The following VPS16 variants were observed in gnomAD, a reference collection of about 807,000 sequenced individuals.
VPS16 encodes VPS16 core subunit of CORVET and HOPS complexes.
In VPS16, 82 loss-of-function variants were observed where a neutral mutation model predicts 116.0. The observed-to-expected ratio is 0.71, with a 90% CI of 0.59 to 0.85. The LOEUF (loss-of-function observed/expected upper bound fraction) is 0.85, where lower values mean the gene tolerates loss of function less well. Among genes scored for constraint, VPS16 ranks in the 40% least tolerant of loss-of-function variants. The pLI is 0.00. For synonymous variants in VPS16, 406 were observed against 420.7 expected (o/e 0.96, Z 0.43); for missense variants, 928 against 1,090.6 (o/e 0.85, Z 2.10).
chr20:2,861,800 C>A lies in VPS16; in HGVS notation c.900-5C>A. The stretch of plus-strand genomic sequence containing the variant: ...GGTGCTCTTAGGAGCCTTAACCAAG[C>A]TCAGGTTTGTGCTGGATGAGGACTC... On this transcript the variant is annotated splice_polypyrimidine_tract_variant and splice_region_variant and intron_variant, in intron 9 of 23. Transcript: ENST00000380445. The A allele has an allele frequency of 6.2e-7, 1 of 1,613,806 alleles. No homozygotes were observed. Among genetic ancestry groups the A allele is most frequent in the Non-Finnish European group, 8.5e-7 (1 of 1,179,916 alleles).
At chr20:2,852,713 A>G (rs2089134045) in intron 1 of VPS16, among the ~76,000 whole-genome samples, 1 of 152,234 alleles carries the variant, frequency 6.6e-6, no homozygotes, top group South Asian at 2.1e-4. Flanking sequence ...AAACAAAAGT[A>G]CGTAACTTAA....
At chr20:2,840,908 C>T in intron 1 of VPS16, 81 bp downstream of exon 1, 2 of 1,363,862 alleles carry the variant, frequency 1.5e-6, no homozygotes, top group Non-Finnish European at 2.0e-6. Flanking sequence ...GCGTTCGCCC[C>T]TGTCACTACT....
intron 1 of VPS16, among the ~76,000 whole-genome samples, chr20:2,842,342 G>T (rs1234048155): frequency 6.6e-6 from 1 of 151,846 alleles, no homozygotes; most frequent in African/African-American, 2.4e-5. Context: ...TAGGCCAGGC[G>T]CAGTGGCTCA....
At position 2,860,251 on chromosome 20, in the gene VPS16, C is replaced by T. The variant is rs1490050836; in HGVS notation, c.253C>T (p.Pro85Ser). 1 of 1,613,918 alleles carries T rather than the reference C, an allele frequency of 6.2e-7. No homozygotes were observed. The highest frequency in any genetic ancestry group is 2.2e-5 in the East Asian group (1 of 44,882). ...PLASLLWKSG[P>S]VVSLGWSAEE... ...CTCTCCCCTGCAGTGGAAGAGTGGA[C>T]CCGTGGTGTCCCTGGGCTGGTCAGC... The change falls in exon 4 of 24, where the codon CCC becomes TCC. Residue 85 changes from proline to serine, a missense_variant. Physicochemically the swap from Pro to Ser is moderately conservative, Grantham distance 74. Coordinates refer to ENST00000380445, the MANE Select transcript of VPS16 (RefSeq NM_022575.4). The surrounding 1 kb of genome is among the most constrained non-coding windows in gnomAD (Gnocchi z 6.1).
At chr20:2,861,974 C>T in intron 10 of VPS16, 75 bp downstream of exon 10, 1 of 1,605,490 alleles carries the variant, frequency 6.2e-7, no homozygotes. Flanking sequence ...GGGCCAGTGC[C>T]ACAGAGCAGG....
chr20:2,852,616 A>G lies in VPS16; in HGVS notation c.54-7103A>G, dbSNP rs139830620. ...TAATGAATATTGCAAAACACGTCAC[A>G]TGAATTTTTTTGGTTTCCCAGTCCA... On this transcript the variant is annotated intron_variant, in intron 1 of 23. Transcript: ENST00000380445. 3.4e-4 allele frequency among the ~76,000 whole-genome samples: 52 copies of G among 152,330 alleles called. 1 individual carries two copies. The East Asian group carries it at 8.7e-3, about 25-fold the overall frequency.
rs1206709703 is a variant in VPS16 at position 2,853,674 on chromosome 20, TA to T, written c.54-6044del. On this transcript the variant is annotated intron_variant, in intron 1 of 23. Transcript: ENST00000380445. ...ATGAATCATAAGAGTATTTTATTTTTATTTTTTTTATTTTTTGGGACGAAGT... is the reference window on the plus strand; with the variant it reads ...ATGAATCATAAGAGTATTTTATTTTTTTTTTTTTATTTTTTGGGACGAAGT... Among the ~76,000 whole-genome samples, 11 of 152,124 alleles carry T rather than the reference TA, an allele frequency of 7.2e-5. No homozygotes were observed. In the South Asian group the frequency reaches 1.9e-3, roughly 26 times the overall value.
rs1296167443 is a variant in VPS16, at chr20:2,866,569, AAGTG to A, written c.2518_*1del. The A allele has an allele frequency of 1.2e-6, 2 of 1,614,084 alleles. No individual in the cohort carries two copies. Among genetic ancestry groups the A allele is most frequent in the Non-Finnish European group, 1.7e-6 (2 of 1,180,000 alleles). ...ACGGGCCAGGGCACAAGCCCAGAAG[AAGTG>A]AGGAGTCCATCCTGTACATCTCAAG... On this transcript the variant is annotated frameshift_variant and stop_lost, in exon 24 of 24. Transcript: ENST00000380445. LOFTEE classifies it high-confidence loss of function.
At chr20:2,858,181 A>T (rs1278022492) in intron 1 of VPS16, among the ~76,000 whole-genome samples, 1 of 149,530 alleles carries the variant, frequency 6.7e-6, no homozygotes, top group Non-Finnish European at 1.5e-5. Context: ...TGCAGCCTCA[A>T]CCTCCCAGGT....
At chr20:2,842,864 C>CGATAGATAGATAGATGTATCTATCGATA (rs1568621080) in intron 1 of VPS16, among the ~76,000 whole-genome samples, 3 of 36,730 alleles carry the variant, frequency 8.2e-5, no homozygotes, top group Non-Finnish European at 1.8e-4. Context: ...ATGTATCTAT[C>CGATAGATAGATAGATGTATCTATCGATA]GATAGATAGA....
In VPS16 at chr20:2,863,534, G is replaced by A. The variant is rs999309568; in HGVS notation, c.1476+136G>A. 3.5e-5 allele frequency: 30 copies of A among 845,816 alleles called. No individual in the cohort carries two copies. Among genetic ancestry groups the A allele is most frequent in the African/African-American group, 2.2e-4 (13 of 59,090 alleles). The allele number at this position is 845,816 out of a possible 1,614,324, so 52.4% of individuals were successfully genotyped here. A position where few individuals can be genotyped will look rare whatever the true frequency, so the allele number is the denominator to read the frequency against. On this transcript the variant is annotated intron_variant, in intron 15 of 23. Coordinates refer to ENST00000380445, the MANE Select transcript of VPS16 (RefSeq NM_022575.4). This position sits in a 1 kb window ranked among gnomAD's most constrained non-coding sequence, Gnocchi z 4.4. ...TCCCAACACTTTGGGAGGCTGAGGCGGGCGAATCACCTGAGGTCAGGTATT... is the reference window on the plus strand; with the variant it reads ...TCCCAACACTTTGGGAGGCTGAGGCAGGCGAATCACCTGAGGTCAGGTATT...
In VPS16 at chr20:2,864,130, G is replaced by C. The variant is rs201588006; in HGVS notation, c.1611+47G>C. ...CAGACACTCTGATGTGGTTGTTCAG[G>C]GCCCCCATGCCAGCTCCTTCTCTCT... On this transcript the variant is annotated intron_variant, in intron 16 of 23. Coordinates refer to ENST00000380445, the MANE Select transcript of VPS16 (RefSeq NM_022575.4). The surrounding 1 kb of genome is among the most constrained non-coding windows in gnomAD (Gnocchi z 5.2). The C allele has an allele frequency of 6.2e-7, 1 of 1,613,796 alleles. No individual in the cohort carries two copies. The highest frequency in any genetic ancestry group is 2.2e-5 in the East Asian group (1 of 44,862).
Position 2,862,048 on chromosome 20 carries a change from C to A in VPS16, c.995-6C>A. 6.2e-7 allele frequency: 1 copy of A among 1,613,554 alleles called. No individual in the cohort carries two copies. The highest frequency in any genetic ancestry group is 8.5e-7 in the Non-Finnish European group (1 of 1,179,804). ...TTCTCCCTCACTCACCAACTCCCTT[C>A]CCCAGCGGCCAGCGAGGAAATCTTC... is the stretch of plus-strand genomic sequence containing the variant. On this transcript the variant is annotated splice_polypyrimidine_tract_variant and splice_region_variant and intron_variant, in intron 10 of 23. Coordinates refer to ENST00000380445, the MANE Select transcript of VPS16 (RefSeq NM_022575.4).
At chr20:2,844,158 A>T (rs1056185519) in intron 1 of VPS16, among the ~76,000 whole-genome samples, 2 of 152,220 alleles carry the variant, frequency 1.3e-5, no homozygotes, top group Non-Finnish European at 2.9e-5. Context: ...TAACAGGAAA[A>T]TATAAGAGCA....
chr20:2,847,599 C>T (rs1299052618), intron 1 of VPS16, among the ~76,000 whole-genome samples: 1 of 151,890 alleles, frequency 6.6e-6, no homozygotes, highest in East Asian at 1.9e-4. Flanking sequence ...CTGCCTCAGC[C>T]TCCCGAGTAG....
rs868034065 is a variant in VPS16, at chr20:2,866,440, C to T, written c.2386C>T (p.Gln796Ter). 2.2e-5 allele frequency: 36 copies of T among 1,614,064 alleles called. No homozygotes were observed. Among genetic ancestry groups the T allele is most frequent in the Non-Finnish European group, 3.0e-5 (35 of 1,180,050 alleles). Residue 796 changes from glutamine (Q) to a stop codon, truncating the protein, a stop_gained, in exon 24 of 24, where the codon CAG (glutamine) becomes TAG (stop). Coordinates refer to ENST00000380445, the MANE Select transcript of VPS16 (RefSeq NM_022575.4). LOFTEE classifies it high-confidence loss of function. ...KALLLVGDVA[Q>*]AADVAIEHRN... ...TTGCTCAAACCACAGCGATGTGGCT[C>T]AGGCTGCAGATGTGGCCATCGAACA...
At chr20:2,844,307 C>T (rs1215472826) in intron 1 of VPS16, among the ~76,000 whole-genome samples, 1 of 152,174 alleles carries the variant, frequency 6.6e-6, no homozygotes, top group Admixed American at 6.6e-5. Context: ...AGGTGGCAGA[C>T]ATTACATTTC....
Position 2,863,215 on chromosome 20 carries a change from G to A in VPS16, c.1368-75G>A, listed in dbSNP as rs1335615649. On this transcript the variant is annotated intron_variant, in intron 14 of 23. Coordinates refer to ENST00000380445, the MANE Select transcript of VPS16 (RefSeq NM_022575.4). This position sits in a 1 kb window ranked among gnomAD's most constrained non-coding sequence, Gnocchi z 4.4. ...CTATCTAGGATGTGGGAGGCCTGAT[G>A]TGCAGGCTGAGGCCACTCTGCTCCC... 5 of 1,608,816 alleles carry A rather than the reference G, an allele frequency of 3.1e-6. No homozygotes were observed. The highest frequency in any genetic ancestry group is 1.3e-5 in the African/African-American group (1 of 74,804).
chr20:2,863,847 G>C lies in VPS16; in HGVS notation c.1477-102G>C. ...AGAGAAAGAAAGAAAGAAGAAGGAA[G>C]GGAGGGAGGAAGGGAACTGAAGGGG... On this transcript the variant is annotated intron_variant, in intron 15 of 23. Coordinates refer to ENST00000380445, the MANE Select transcript of VPS16 (RefSeq NM_022575.4). The surrounding 1 kb of genome is among the most constrained non-coding windows in gnomAD (Gnocchi z 4.4). The C allele has an allele frequency of 2.7e-6, 4 of 1,458,450 alleles. No individual in the cohort carries two copies. Among genetic ancestry groups the C allele is most frequent in the Non-Finnish European group, 3.7e-6 (4 of 1,074,790 alleles). The allele number at this position is 1,458,450 out of a possible 1,614,324, so 90.3% of individuals were successfully genotyped here.
Sources: allele counts gnomAD v4.1 joint callset (sites outside exome capture counted in the v4.1 genomes callset), GRCh38; gene constraint gnomAD v4.1.1; non-coding constraint Gnocchi (gnomAD v3.1); transcripts MANE v1.5; gene names NCBI Gene and HGNC (gene_info 2026-07-23, HGNC 2026-07-21).